The following PRSS38 variants were observed in gnomAD, a reference collection of about 807,000 sequenced individuals.
PRSS38 encodes marapsin 2.
A neutral mutation model predicts 26.8 loss-of-function variants in PRSS38; 22 were observed. The observed-to-expected ratio is 0.82, with a 90% CI of 0.59 to 1.17. PRSS38 has a LOEUF of 1.17. Ranked by LOEUF, PRSS38 falls within the 50% of genes most tolerant of loss-of-function variation. The pLI is 0.00. For synonymous variants in PRSS38, 175 were observed against 172.1 expected, an observed-to-expected ratio of 1.02 and a Z score of -0.13; for missense variants, 427 against 422.7, an observed-to-expected ratio of 1.01 and a Z score of -0.09.
At chr1:227,845,599 A>G in exon 4 of PRSS38, 1 of 1,613,638 alleles carries the variant, frequency 6.2e-7, no homozygotes, top group Non-Finnish European at 8.5e-7. Context: ...CTGAATGCTA[A>G]GACCGTGTGT....
At chr1:227,820,089 CAAAAAAAAAAAA>C (rs61564441) in intron 3 of PRSS38, among the ~76,000 whole-genome samples, 2 of 42,790 alleles carry the variant, frequency 4.7e-5, no homozygotes, top group South Asian at 1.1e-3. Context: ...AACTCCATCT[CAAAAAAAAAAAA>C]AAAAAAAAAA....
chr1:227,830,498 C>T (rs1453774304), intron 3 of PRSS38, among the ~76,000 whole-genome samples: 2 of 140,550 alleles, frequency 1.4e-5, no homozygotes, highest in African/African-American at 2.6e-5. Flanking sequence ...TTTAAGGTGT[C>T]TACTTTTTTT....
chr1:227,818,692 A>C (rs901274384), intron 3 of PRSS38, among the ~76,000 whole-genome samples: 1 of 151,814 alleles, frequency 6.6e-6, no homozygotes, highest in Non-Finnish European at 1.5e-5. Flanking sequence ...AAAAAAAAAA[A>C]AAAAAAACGT....
chr1:227,818,703 A>C, intron 3 of PRSS38, among the ~76,000 whole-genome samples: 2 of 142,822 alleles, frequency 1.4e-5, no homozygotes, highest in Non-Finnish European at 3.1e-5. Context: ...AAAAAAACGT[A>C]TTTAATGTGA....
intron 3 of PRSS38, among the ~76,000 whole-genome samples, chr1:227,842,639 G>A (rs1665355008): frequency 1.3e-5 from 2 of 151,574 alleles, no homozygotes; most frequent in Non-Finnish European, 1.5e-5. Context: ...GAGTGCAATG[G>A]CGTGATCTCT....
At position 227,845,445 on chromosome 1, in the gene PRSS38, C is replaced by T. The variant is rs1479883848; in HGVS notation, c.584-25C>T. On this transcript the variant is annotated intron_variant, in intron 3 of 4. Coordinates refer to ENST00000366757, the Ensembl canonical transcript of PRSS38. Reference sequence around the variant, plus strand: ...ACCCCACACGAAGCAGGTGCTGCCCCCTCACGGGAGCCCTCCTCCCACAGG... The same window carrying T: ...ACCCCACACGAAGCAGGTGCTGCCCTCTCACGGGAGCCCTCCTCCCACAGG... 6 of 1,593,186 alleles carry T rather than the reference C, an allele frequency of 3.8e-6. No individual in the cohort carries two copies. In the South Asian group the frequency reaches 6.7e-5, roughly 18 times the overall value.
intron 3 of PRSS38, among the ~76,000 whole-genome samples, chr1:227,833,640 G>T (rs1381834549): frequency 6.6e-6 from 1 of 152,132 alleles, no homozygotes; most frequent in Non-Finnish European, 1.5e-5. Flanking sequence ...ATAGACCAAT[G>T]GAATGGAATT....
At chr1:227,829,746 G>GT (rs1665125231) in intron 3 of PRSS38, among the ~76,000 whole-genome samples, 1 of 151,974 alleles carries the variant, frequency 6.6e-6, no homozygotes, top group Admixed American at 6.6e-5. Context: ...ATATTATGTT[G>GT]TTTGTGAGCA....
intron 3 of PRSS38, among the ~76,000 whole-genome samples, chr1:227,834,001 T>G (rs1001483260): frequency 6.6e-6 from 1 of 152,108 alleles, no homozygotes; most frequent in Non-Finnish European, 1.5e-5. Context: ...CCTTGTCCAA[T>G]ATGACTGAAG....
At chr1:227,832,968 A>G (rs1022138378) in intron 3 of PRSS38, among the ~76,000 whole-genome samples, 1 of 152,240 alleles carries the variant, frequency 6.6e-6, no homozygotes, top group Admixed American at 6.5e-5. Context: ...ATAATAATGT[A>G]TCCAAGGAGA....
intron 3 of PRSS38, among the ~76,000 whole-genome samples, chr1:227,824,454 T>C (rs1464470263): frequency 6.6e-6 from 1 of 152,224 alleles, no homozygotes; most frequent in Non-Finnish European, 1.5e-5. Context: ...CCACATTTTT[T>C]TATCCAGTCT....
At chr1:227,846,392 G>C (rs535611195) in exon 5 of PRSS38, 17 of 741,890 alleles carry the variant, frequency 2.3e-5, no homozygotes, top group African/African-American at 2.3e-4. Context: ...GGAAGGGGGA[G>C]AGGGGCTGGT....
intron 3 of PRSS38, among the ~76,000 whole-genome samples, chr1:227,843,691 G>A (rs961995402): frequency 6.6e-6 from 1 of 150,700 alleles, no homozygotes; most frequent in South Asian, 2.1e-4. Context: ...TGGGCAATAA[G>A]AGTGAAACTC....
chr1:227,824,677 C>A (rs1665046635), intron 3 of PRSS38, among the ~76,000 whole-genome samples: 1 of 152,186 alleles, frequency 6.6e-6, no homozygotes, highest in African/African-American at 2.4e-5. Flanking sequence ...CTAATTTACA[C>A]TCCCACCAAC....
intron 3 of PRSS38, among the ~76,000 whole-genome samples, chr1:227,820,521 A>G: frequency 6.6e-6 from 1 of 152,250 alleles, no homozygotes; most frequent in East Asian, 1.9e-4. Context: ...CGTTTATTCT[A>G]TTAATGTATA....
chr1:227,828,487 C>A (rs1169568708), intron 3 of PRSS38, among the ~76,000 whole-genome samples: 1 of 152,154 alleles, frequency 6.6e-6, no homozygotes, highest in African/African-American at 2.4e-5. Flanking sequence ...TCCATGGCAC[C>A]CCACAAGTTA....
intron 3 of PRSS38, among the ~76,000 whole-genome samples, chr1:227,827,653 C>T (rs1486447258): frequency 2.6e-5 from 3 of 113,918 alleles, no homozygotes; most frequent in Non-Finnish European, 6.4e-5. Flanking sequence ...CTTCTGAATT[C>T]ATTGATTTTT....
exon 5 of PRSS38, chr1:227,846,350 G>C: frequency 9.3e-7 from 1 of 1,077,830 alleles, no homozygotes; most frequent in South Asian, 1.5e-5. Flanking sequence ...CTGAGTCCAG[G>C]AGGTGATGAG....
At position 227,845,632 on chromosome 1, in the gene PRSS38, T is replaced by G. The variant is rs16848162; in HGVS notation, c.726+20T>G. 3.1e-6 allele frequency: 5 copies of G among 1,608,822 alleles called. No homozygotes were observed. Among genetic ancestry groups the G allele is most frequent in the African/African-American group, 1.3e-5 (1 of 74,800 alleles). ...TGTGAGGTGTGCCCCTCCTGGTCCA[T>G]GAGACAGAGGTCATGGGTGCCCTGT... On this transcript the variant is annotated intron_variant, in intron 4 of 4. Transcript: ENST00000366757.
Sources: allele counts gnomAD v4.1 joint callset (sites outside exome capture counted in the v4.1 genomes callset), GRCh38; gene constraint gnomAD v4.1.1; transcripts MANE v1.5; gene names NCBI Gene and HGNC (gene_info 2026-07-23, HGNC 2026-07-21).